Variants in MAGED1 observed in about 807,000 individuals in gnomAD.
The protein encoded by MAGED1 is MAGE family member D1, also known as melanoma-associated antigen D1.
Under a neutral mutation model 54.1 loss-of-function variants are expected in MAGED1, and 3 were observed. The ratio of observed to expected loss-of-function variants is 0.06; its 90% CI spans 0.03 to 0.14. The LOEUF (loss-of-function observed/expected upper bound fraction) is 0.14. Ranked by LOEUF, MAGED1 falls within the 10% of genes least tolerant of loss-of-function variation. The pLI, the probability that MAGED1 is intolerant of heterozygous loss-of-function variation, is 1.00. For missense variants in MAGED1, 485 were observed against 623.4 expected (o/e 0.78, Z 2.36); for synonymous variants, 217 against 227.3 (o/e 0.95, Z 0.41).
At chrX:51,873,302 G>T (rs781909449) in intron 1 of MAGED1, among the ~76,000 whole-genome samples, 2 of 110,880 alleles carry the variant, frequency 1.8e-5, no homozygotes, top group African/African-American at 6.6e-5. Context: ...CTCCCACCGG[G>T]TCCCTCCCTT....
intron 1 of MAGED1, 104 bp downstream of exon 1, chrX:51,893,859 C>T (rs964395938): frequency 8.9e-6 from 1 of 112,956 alleles, no homozygotes; most frequent in Non-Finnish European, 1.8e-5. Context: ...TTCCACCCCC[C>T]AAACCCCAAT....
upstream of MAGED1, among the ~76,000 whole-genome samples, chrX:51,889,066 G>A (rs1046453809): frequency 3.6e-5 from 4 of 110,673 alleles, no homozygotes; most frequent in African/African-American, 1.3e-4. Flanking sequence ...TGTGGTGTTT[G>A]TAGAGACTTC....
At chrX:51,814,595 A>G (rs966245910) in intron 1 of MAGED1, among the ~76,000 whole-genome samples, 2 of 111,441 alleles carry the variant, frequency 1.8e-5, no homozygotes, top group African/African-American at 3.3e-5. Flanking sequence ...AAAAACAAGT[A>G]CAGTCATGTA....
chrX:51,892,163 C>T (rs1928463059), upstream of MAGED1, among the ~76,000 whole-genome samples: 1 of 112,763 alleles, frequency 8.9e-6, no homozygotes, highest in Non-Finnish European at 1.9e-5. Context: ...TGAGTCACCT[C>T]ACATCTGTAT....
In MAGED1 at chrX:51,897,016, C is replaced by T. The variant is rs782567257; in HGVS notation, c.1361C>T (p.Ser454Leu). 12 of 1,210,215 alleles carry T rather than the reference C, an allele frequency of 9.9e-6. No individual in the cohort carries two copies. Among genetic ancestry groups the T allele is most frequent in the East Asian group, 3.0e-5 (1 of 33,750 alleles). The part of the protein sequence containing the change: ...PSPNLRPSPN[S>L]RASQNPGAAQ... ...CCTAACCTGCGCCCTTCTCCCAACT[C>T]GCGTGCCTCACAGAACCCAGGTGCT... The change falls in exon 4 of 13, where the codon TCG (serine) becomes TTG (leucine). Residue 454 changes from serine to leucine, a missense_variant. By Grantham distance (145) the Ser-to-Leu change is moderately radical (BLOSUM62 -2). Transcript: ENST00000326587.
upstream of MAGED1, among the ~76,000 whole-genome samples, chrX:51,893,089 G>A (rs1446653630): frequency 9.0e-6 from 1 of 110,652 alleles, no homozygotes; most frequent in African/African-American, 3.3e-5. Context: ...GGCAGGGGGT[G>A]AGGGAGAAAT....
intron 1 of MAGED1, among the ~76,000 whole-genome samples, chrX:51,851,226 A>G (rs377318561): frequency 1.8e-5 from 2 of 112,171 alleles, no homozygotes; most frequent in East Asian, 2.8e-4. Flanking sequence ...TTAATTTAAA[A>G]GAAATACAGC....
At chrX:51,806,250 G>T (rs1040786776) in intron 1 of MAGED1, among the ~76,000 whole-genome samples, 1 of 111,118 alleles carries the variant, frequency 9.0e-6, no homozygotes, top group East Asian at 2.8e-4. Context: ...GGGATTACAG[G>T]CGTGAGCCAC....
chrX:51,895,190 G>C lies in MAGED1; in HGVS notation c.183G>C (p.Glu61Asp). 8.3e-7 allele frequency: 1 copy of C among 1,211,858 alleles called. No individual in the cohort carries two copies. The highest frequency in any genetic ancestry group is 1.1e-6 in the Non-Finnish European group (1 of 895,528). The change falls in exon 3 of 13, where the codon GAG (glutamate) becomes GAC (aspartate). Residue 61 changes from glutamate (E) to aspartate (D), a missense_variant. By Grantham distance (45) the Glu-to-Asp change is conservative. This residue lies in a region of MAGED1 where 299 missense variants were observed against 293.1 expected (regional missense o/e 1.02). Transcript: ENST00000326587. ...PQSSQPPTAN[E>D]MADIQVSAAA... ...GTTCACAGCCCCCAACTGCCAATGA[G>C]ATGGCTGACATTCAGGTTTCAGCAG...
At chrX:51,824,763 T>C (rs5951082) in intron 1 of MAGED1, among the ~76,000 whole-genome samples, 2,005 of 99,668 alleles carry the variant, frequency 0.02, 40 homozygotes, top group Non-Finnish European at 0.03. Context: ...CATACATATA[T>C]ACACGTATGT....
At chrX:51,894,677 C>T (rs1928628385) in intron 2 of MAGED1, 4 of 1,178,965 alleles carry the variant, frequency 3.4e-6, no homozygotes, top group Non-Finnish European at 3.4e-6. Context: ...AGCCTCCTGC[C>T]TCCACCCTCC....
intron 1 of MAGED1, among the ~76,000 whole-genome samples, chrX:51,824,133 C>T (rs1203281098): frequency 2.7e-5 from 3 of 111,685 alleles, no homozygotes; most frequent in African/African-American, 6.5e-5. Flanking sequence ...TATGATTTCA[C>T]GTTACTATCT....
rs1557364461 is a variant in MAGED1, at chrX:51,897,539, T to C, written c.1487-8T>C. ...TCGGCTCAGATGGCTCCCTCCTCTC[T>C]CCTACAGAAATGCTGAGAGATATCA... On this transcript the variant is annotated splice_region_variant and splice_polypyrimidine_tract_variant and intron_variant, in intron 5 of 12. Coordinates refer to ENST00000326587, the MANE Select transcript of MAGED1 (RefSeq NM_006986.4). The C allele has an allele frequency of 1.7e-6, 2 of 1,196,323 alleles. No individual in the cohort carries two copies. The highest frequency in any genetic ancestry group is 1.1e-6 in the Non-Finnish European group (1 of 882,426).
At chrX:51,814,423 ACC>A (rs1339361472) in intron 1 of MAGED1, among the ~76,000 whole-genome samples, 6 of 111,543 alleles carry the variant, frequency 5.4e-5, no homozygotes, top group African/African-American at 2.0e-4. Context: ...GGTAATTCAA[ACC>A]CATAAAGCTC....
rs1349650685 is a variant in MAGED1 at position 51,898,336 on chromosome X, G to A, written c.1781+9G>A. ...ATGGGACTGCGTCCTGGGTATGATT[G>A]GGCTCTCTCATCTCTTGCCTGTTTG... On this transcript the variant is annotated intron_variant, in intron 9 of 12. Coordinates refer to ENST00000326587, the MANE Select transcript of MAGED1 (RefSeq NM_006986.4). 1 of 1,208,616 alleles carries A rather than the reference G, an allele frequency of 8.3e-7. No individual in the cohort carries two copies. Among genetic ancestry groups the A allele is most frequent in the Non-Finnish European group, 1.1e-6 (1 of 894,291 alleles).
chrX:51,884,343 A>T (rs782394001), intron 1 of MAGED1, among the ~76,000 whole-genome samples: 2 of 112,031 alleles, frequency 1.8e-5, no homozygotes, highest in African/African-American at 6.5e-5. Context: ...AGAGGCCACA[A>T]TATTTTTCAA....
chrX:51,844,390 C>G (rs975745187), intron 1 of MAGED1, among the ~76,000 whole-genome samples: 1 of 111,938 alleles, frequency 8.9e-6, no homozygotes, highest in Non-Finnish European at 1.9e-5. Context: ...AGCTTCTTCT[C>G]GATGCTCATT....
At chrX:51,858,425 C>A (rs781846077) in intron 1 of MAGED1, among the ~76,000 whole-genome samples, 5 of 112,285 alleles carry the variant, frequency 4.5e-5, no homozygotes, top group Admixed American at 9.5e-5. Flanking sequence ...ATTAGAGACT[C>A]TACATTGGGT....
intron 10 of MAGED1, chrX:51,899,477 C>T (rs1928912320): frequency 9.1e-6 from 1 of 110,187 alleles, no homozygotes; most frequent in South Asian, 3.9e-4. Flanking sequence ...GAGTCTCACT[C>T]TGTTGCCCAT....
Sources: gnomAD v4.1 joint callset for allele counts (sites outside exome capture counted in the v4.1 genomes callset) on GRCh38, gnomAD v4.1.1 for gene constraint, gnomAD v4.1.1 regional missense constraint, MANE v1.5 for transcripts, NCBI Gene and HGNC (gene_info 2026-07-23, HGNC 2026-07-21) for gene names.